BPIFB6: variants seen among roughly 807,000 people sequenced by gnomAD.
The protein encoded by BPIFB6 is BPI fold-containing family B member 6.
A neutral mutation model predicts 54.7 loss-of-function variants in BPIFB6; 47 were observed. The observed-to-expected ratio is 0.86, with a 90% CI of 0.68 to 1.10. BPIFB6 has a LOEUF of 1.10. Ranked by LOEUF, BPIFB6 falls within the 50% of genes least tolerant of loss-of-function variation. The probability of loss-of-function intolerance (pLI) is 0.00; values close to 1 mark genes in which losing one functional copy is unlikely to be tolerated. For synonymous variants in BPIFB6, 255 were observed against 225.9 expected, an observed-to-expected ratio of 1.13 and a Z score of -1.16; for missense variants, 603 against 564.1, an observed-to-expected ratio of 1.07 and a Z score of -0.70.
At chr20:33,037,771 T>A (rs1979408253) in intron 8 of BPIFB6, 33 bp downstream of exon 8, 3 of 1,608,550 alleles carry the variant, frequency 1.9e-6, no homozygotes, top group Non-Finnish European at 1.7e-6. Flanking sequence ...TCCATCTGCC[T>A]CTGTCCATTA....
At chr20:33,036,704 C>T (rs1448739497) in intron 7 of BPIFB6, among the ~76,000 whole-genome samples, 168 bp downstream of exon 7, 1 of 152,192 alleles carries the variant, frequency 6.6e-6, no homozygotes, top group East Asian at 1.9e-4. Context: ...TGGGCCTCTC[C>T]CTCTTTCTGC....
downstream of BPIFB6, chr20:33,044,092 C>T (rs1374309494): frequency 5.0e-6 from 8 of 1,612,028 alleles, no homozygotes; most frequent in Admixed American, 1.7e-5. Context: ...CCACCAACCA[C>T]CTGCACCCCA....
intron 2 of BPIFB6, 90 bp from the exon 3 acceptor site, chr20:33,034,096 A>G (rs1979219897): frequency 5.5e-6 from 5 of 912,522 alleles, no homozygotes; most frequent in Non-Finnish European, 9.2e-6. Context: ...GGGGTTATCG[A>G]AAGTCTTCCC....
intron 13 of BPIFB6, 60 bp from the exon 14 acceptor site, chr20:33,043,231 G>C (rs1457235406): frequency 6.9e-6 from 10 of 1,456,764 alleles, no homozygotes; most frequent in Non-Finnish European, 8.7e-6. Context: ...ACCCCAGGCT[G>C]CCACTCCTTA....
chr20:33,037,482 A>C lies in BPIFB6; in HGVS notation c.670-80A>C, dbSNP rs1175453849. On this transcript the variant is annotated intron_variant, in intron 7 of 14. Transcript: ENST00000349552. ...TGACTTTGGGTTTGGCTGGAGCCCC[A>C]TTTGCTTGGAGGACTGAGACACTCC... The C allele has an allele frequency of 2.1e-6, 3 of 1,422,544 alleles. No individual in the cohort carries two copies. In the Admixed American group the frequency reaches 6.7e-5, roughly 32 times the overall value. The allele number at this position is 1,422,544 out of a possible 1,614,324, so 88.1% of individuals were successfully genotyped here. A position where few individuals can be genotyped will look rare whatever the true frequency, so the allele number is the denominator to read the frequency against.
rs966009076 is a variant in BPIFB6, at chr20:33,044,030, G to A, written c.1345G>A (p.Asp449Asn). The stretch of plus-strand genomic sequence containing the variant: ...CTTTTGCCAGAATGCCCTGATGCTG[G>A]ACTTGAAGCTGGGCTGACCATGGCA... ...LDIVENALML[D>N]LKLG Residue 449 changes from aspartate to asparagine, a missense_variant, in exon 15 of 15, where the codon GAC becomes AAC. Transcript: ENST00000349552. 6 of 1,614,004 alleles carry A rather than the reference G, an allele frequency of 3.7e-6. No individual in the cohort carries two copies. Among genetic ancestry groups the A allele is most frequent in the Non-Finnish European group, 4.2e-6 (5 of 1,180,032 alleles).
chr20:33,034,921 C>T lies in BPIFB6; in HGVS notation c.452+9C>T, dbSNP rs369014011. 14 of 1,607,142 alleles carry T rather than the reference C, an allele frequency of 8.7e-6. 1 individual carries two copies. The African/African-American group carries it at 9.4e-5, about 11-fold the overall frequency. ...ACTAACCTGCCTAGCAAGTGAGGGG[C>T]TCTGTGGCTGGGGAGGAAGGCCGGT... On this transcript the variant is annotated intron_variant, in intron 4 of 14. Coordinates refer to ENST00000349552, the MANE Select transcript of BPIFB6 (RefSeq NM_174897.2).
intron 8 of BPIFB6, among the ~76,000 whole-genome samples, chr20:33,038,487 A>C (rs1404296233): frequency 6.6e-6 from 1 of 151,946 alleles, no homozygotes; most frequent in Non-Finnish European, 1.5e-5. Context: ...TTCCGTCCAC[A>C]CATCATCCAT....
rs953360646 is a variant in BPIFB6 at position 33,039,347 on chromosome 20, G to A, written c.901G>A (p.Val301Met). 26 of 1,607,218 alleles carry A rather than the reference G, an allele frequency of 1.6e-5. No individual in the cohort carries two copies. The highest frequency in any genetic ancestry group is 2.0e-5 in the Non-Finnish European group (24 of 1,177,604). ...TKTLARFIPE[V>M]AVAYPKSKPL... ...GAGTGAAGTGTTCTGGTTTCTGTAG[G>A]TGGCTGTAGCTTATCCCAAGTCAAA... Residue 301 changes from valine to methionine, a missense_variant and splice_region_variant, in exon 10 of 15, where the codon GTG becomes ATG. Physicochemically the swap from Val to Met is conservative, Grantham distance 21 (BLOSUM62 1). Coordinates refer to ENST00000349552, the MANE Select transcript of BPIFB6 (RefSeq NM_174897.2).
At chr20:33,034,573 C>T (rs1021036193) in intron 3 of BPIFB6, among the ~76,000 whole-genome samples, 190 bp from the exon 4 acceptor site, 22 of 152,224 alleles carry the variant, frequency 1.4e-4, no homozygotes, top group Non-Finnish European at 2.6e-4. Flanking sequence ...TAGGGGTTCA[C>T]CAAAACAAGG....
intron 2 of BPIFB6, among the ~76,000 whole-genome samples, chr20:33,033,808 A>G (rs1218293976): frequency 6.6e-6 from 1 of 152,162 alleles, no homozygotes; most frequent in Non-Finnish European, 1.5e-5. Context: ...ATAATGCACA[A>G]ATCAGCCTCA....
chr20:33,035,962 TA>T, intron 6 of BPIFB6, among the ~76,000 whole-genome samples: 1 of 152,260 alleles, frequency 6.6e-6, no homozygotes, highest in South Asian at 2.1e-4. Flanking sequence ...GCCTATGTAG[TA>T]ATCCCGATGG....
In BPIFB6 at chr20:33,036,428, A is replaced by G. The variant is rs1425626971; in HGVS notation, c.578-17A>G. On this transcript the variant is annotated splice_polypyrimidine_tract_variant and intron_variant, in intron 6 of 14. Transcript: ENST00000349552. ...TGGGGTTGGTGCCTCTTTGAGTGGA[A>G]CCTCCTTTTCACACAGACCCCATGC... 6.2e-7 allele frequency: 1 copy of G among 1,600,394 alleles called. No individual in the cohort carries two copies. Among genetic ancestry groups the G allele is most frequent in the Non-Finnish European group, 8.5e-7 (1 of 1,172,510 alleles).
chr20:33,031,827 A>T (rs1007881627), intron 1 of BPIFB6, 83 bp downstream of exon 1: 1 of 1,057,036 alleles, frequency 9.5e-7, no homozygotes, highest in African/African-American at 1.6e-5. Flanking sequence ...TTGGTTGCAC[A>T]TCCTGGAGCA....
chr20:33,034,067 T>C (rs969335587), intron 2 of BPIFB6, 119 bp from the exon 3 acceptor site: 2 of 750,872 alleles, frequency 2.7e-6, no homozygotes, highest in African/African-American at 1.7e-5. Flanking sequence ...CTTACCCCCA[T>C]GACATGGGAT....
chr20:33,033,660 C>G (rs6059029), intron 2 of BPIFB6: 2 of 456,426 alleles, frequency 4.4e-6, no homozygotes, highest in African/African-American at 4.0e-5. Context: ...ACTGGTGATT[C>G]TCAAACAGGG....
Position 33,037,821 on chromosome 20 carries a change from T to C in BPIFB6, c.846+83T>C. On this transcript the variant is annotated intron_variant, in intron 8 of 14. Transcript: ENST00000349552. ...CCTAGTTTTTCTATCATGAAAATTA[T>C]CCTGGCCTTGTGGGCAACACTAGGA... 3 of 1,502,472 alleles carry C rather than the reference T, an allele frequency of 2.0e-6. No homozygotes were observed. In the Middle Eastern group the frequency reaches 5.2e-4, roughly 258 times the overall value. 93.1% of individuals were successfully genotyped at this position (1,502,472 alleles called of 1,614,324 possible).
rs560043419 is a variant in BPIFB6, at chr20:33,034,843, G to T, written c.383G>T (p.Gly128Val). The change falls in exon 4 of 15, where the codon GGC becomes GTC. Residue 128 changes from glycine (G) to valine (V), a missense_variant. Coordinates refer to ENST00000349552, the MANE Select transcript of BPIFB6 (RefSeq NM_174897.2). ...TNRLLRDEET[G>V]LPVFKSEGCE... is the part of the protein sequence containing the mutation. Reference sequence around the variant, plus strand: ...CGGCTTCTGCGGGATGAGGAGACAGGCCTCCCCGTGTTCAAGAGTGAGGGC... The same window carrying T: ...CGGCTTCTGCGGGATGAGGAGACAGTCCTCCCCGTGTTCAAGAGTGAGGGC... The T allele has an allele frequency of 6.2e-7, 1 of 1,613,870 alleles. No individual in the cohort carries two copies. Among genetic ancestry groups the T allele is most frequent in the African/African-American group, 1.3e-5 (1 of 75,024 alleles).
At chr20:33,043,170 A>G in intron 13 of BPIFB6, 121 bp from the exon 14 acceptor site, 2 of 886,788 alleles carry the variant, frequency 2.3e-6, no homozygotes, top group South Asian at 2.9e-5. Context: ...CTTTGCTTGT[A>G]CAGCTGGCAG....
Sources: allele counts gnomAD v4.1 joint callset (sites outside exome capture counted in the v4.1 genomes callset), GRCh38; gene constraint gnomAD v4.1.1; transcripts MANE v1.5; gene names NCBI Gene and HGNC (gene_info 2026-07-23, HGNC 2026-07-21).